The following MGAM variants were observed in gnomAD, a reference collection of about 807,000 sequenced individuals.
MGAM encodes alpha-1,4-glucosidase.
MGAM carries 253 observed loss-of-function variants against 358.8 expected under a neutral mutation model. The observed-to-expected ratio is 0.71, with a 90% CI of 0.64 to 0.78. MGAM has a LOEUF of 0.78. Among genes scored for constraint, MGAM ranks in the 30% least tolerant of loss-of-function variants. The pLI, the probability that MGAM is intolerant of heterozygous loss-of-function variation, is 0.00. For synonymous variants in MGAM, 1,105 were observed against 1,227.1 expected (o/e 0.90, Z 2.08); for missense variants, 3,080 against 3,432.6 (o/e 0.90, Z 2.57).
chr7:142,080,436 G>A (rs1239006539), intron 49 of MGAM, among the ~76,000 whole-genome samples: 2 of 146,160 alleles, frequency 1.4e-5, no homozygotes, highest in East Asian at 2.0e-4. Context: ...GGGGAGACAC[G>A]TTATTTTTCA....
intron 21 of MGAM, among the ~76,000 whole-genome samples, chr7:142,041,137 C>A (rs1344847862): frequency 6.6e-6 from 1 of 152,104 alleles, no homozygotes; most frequent in South Asian, 2.1e-4. Context: ...AGAATTTCAA[C>A]TTCCTATTTC....
rs752227758 is a variant in MGAM, at chr7:142,076,685, A to T, written c.5352A>T (p.Gln1784His). The T allele has an allele frequency of 2.6e-6, 4 of 1,550,032 alleles. No homozygotes were observed. In the African/African-American group the frequency reaches 4.0e-5, roughly 16 times the overall value. ...TQNHLEVTIS[Q>H]STYKDPNNLA... ...ACCACTTGGAGGTGACTATTTCACA[A>T]TCAACCTACAAGGACCCCAATAATT... The change falls in exon 47 of 71, where the codon CAA becomes CAT. Residue 1784 changes from glutamine (Q) to histidine (H), a missense_variant. Around this residue, in one of 5 missense-constraint regions of MGAM, gnomAD observed 932 missense variants for 1,198.2 expected, o/e 0.78. Transcript: ENST00000475668.
At position 142,100,816 on chromosome 7, in the gene MGAM, T is replaced by C. The variant is rs1468076892; in HGVS notation, c.7889T>C (p.Met2630Thr). 1 of 1,612,276 alleles carries C rather than the reference T, an allele frequency of 6.2e-7. No individual in the cohort carries two copies. The highest frequency in any genetic ancestry group is 8.5e-7 in the Non-Finnish European group (1 of 1,179,258). The change falls in exon 68 of 71, where the codon ATG (methionine) becomes ACG (threonine). Residue 2630 changes from methionine to threonine, a missense_variant. Met to Thr is a moderately conservative substitution (Grantham distance 81). Transcript: ENST00000475668. ...LNTHLSRQKFMGFKIALDDEG... is the reference protein window; with the variant it reads ...LNTHLSRQKFTGFKIALDDEG... ...GCTCACTGCAGCCGCCAGAAATTCA[T>C]GGGCTTCAAAATTGCCTTGGATGAT...
chr7:142,082,565 G>A lies in MGAM; in HGVS notation c.6262G>A (p.Ala2088Thr). ...AHGVLLLNSN[A>T]MDVTFQPLPA... ...TGGAGTGCTCCTGCTGAACAGCAAT[G>A]CCATGGGTAAGGCCATCCAGCGCCT... is the stretch of plus-strand genomic sequence containing the variant. The change falls in exon 52 of 71, where the codon GCC becomes ACC. Residue 2088 changes from alanine to threonine, a missense_variant. Transcript: ENST00000475668. The A allele has an allele frequency of 6.6e-7, 1 of 1,517,038 alleles. No homozygotes were observed. The highest frequency in any genetic ancestry group is 9.0e-7 in the Non-Finnish European group (1 of 1,112,290). 94.0% of individuals were successfully genotyped at this position (1,517,038 alleles called of 1,614,324 possible).
At chr7:141,989,022 T>C (rs1433609962) in intron 2 of MGAM, among the ~76,000 whole-genome samples, 2 of 152,114 alleles carry the variant, frequency 1.3e-5, no homozygotes, top group African/African-American at 2.4e-5. Context: ...TTAATGTTTG[T>C]AGGCTATGAA....
intron 1 of MGAM, among the ~76,000 whole-genome samples, chr7:142,001,578 T>G (rs887242324): frequency 6.6e-6 from 1 of 152,180 alleles, no homozygotes; most frequent in Non-Finnish European, 1.5e-5. Context: ...GTGGAGAAAG[T>G]AGGCCTTGTA....
intron 33 of MGAM, 121 bp from the exon 34 acceptor site, chr7:142,060,190 C>G: frequency 7.1e-7 from 1 of 1,411,234 alleles, no homozygotes; most frequent in Non-Finnish European, 9.9e-7. Context: ...TTATGTCAAT[C>G]CTATGTGATA....
At chr7:142,054,466 A>ATAACAAG (rs1296783256) in intron 26 of MGAM, among the ~76,000 whole-genome samples, 8 of 152,168 alleles carry the variant, frequency 5.3e-5, no homozygotes, top group Non-Finnish European at 5.9e-5. Flanking sequence ...CCCACAGAAA[A>ATAACAAG]TAACAAGTAA....
rs759842564 is a variant in MGAM at position 142,094,524 on chromosome 7, G to A, written c.7306+27G>A. 2.6e-6 allele frequency: 4 copies of A among 1,554,148 alleles called. 2 individuals are homozygous for A. In the East Asian group the frequency reaches 9.1e-5, roughly 35 times the overall value. Reference sequence around the variant, plus strand: ...TGCGTGGGTCCTTCCCAGGGCCTGTGCCGGTAGGGCAGGGAGTTGGGATCC... The same window carrying A: ...TGCGTGGGTCCTTCCCAGGGCCTGTACCGGTAGGGCAGGGAGTTGGGATCC... On this transcript the variant is annotated intron_variant, in intron 61 of 70. Transcript: ENST00000475668.
intron 32 of MGAM, 95 bp from the exon 33 acceptor site, chr7:142,059,761 A>C: frequency 6.4e-7 from 1 of 1,567,414 alleles, no homozygotes; most frequent in African/African-American, 1.4e-5. Flanking sequence ...TGCAGGTAGA[A>C]GCCAGCGAGT....
chr7:142,027,880 T>A (rs1584941801), intron 10 of MGAM, 145 bp downstream of exon 10: 16 of 42,980 alleles, frequency 3.7e-4, no homozygotes, highest in East Asian at 0.5. Context: ...ATACTAGACA[T>A]TTTTTTTTTT....
rs1434758878 is a variant in MGAM, at chr7:142,095,573, C to T, written c.7467C>T (p.Asp2489=). The change falls in exon 64 of 71, where the codon GAC becomes GAT. Residue 2489 remains aspartate, a synonymous_variant. Transcript: ENST00000475668. ...TTCTCTTTCTCCTTTAGAGACAAGA[C>T]CCTGTGTCCTGGGATGTTGCTTTTG... ...NHNTIGTRRQ[D]PVSWDVAFVN... is the part of the protein sequence containing the mutation. 6.2e-7 allele frequency: 1 copy of T among 1,613,428 alleles called. No individual in the cohort carries two copies. Among genetic ancestry groups the T allele is most frequent in the South Asian group, 1.1e-5 (1 of 91,060 alleles).
chr7:142,030,569 C>G (rs188967732), intron 11 of MGAM, 72 bp from the exon 12 acceptor site: 8 of 1,604,876 alleles, frequency 5.0e-6, no homozygotes, highest in Non-Finnish European at 6.8e-6. Context: ...TGCTTTCTCC[C>G]CCAGTTCCCA....
rs781969428 is a variant in MGAM, at chr7:142,030,501, C to T, written c.1353+8C>T. On this transcript the variant is annotated splice_region_variant and intron_variant, in intron 11 of 70. Coordinates refer to ENST00000475668, the MANE Select transcript of MGAM (RefSeq NM_001365693.1). ...AAGCTTGTCATCATTGTGGTATGTA[C>T]TGCCCTCTTTCCACCAAATTAGGTA... 6.2e-6 allele frequency: 10 copies of T among 1,613,350 alleles called. No individual in the cohort carries two copies. The Admixed American group carries it at 1.5e-4, about 24-fold the overall frequency.
rs990032783 is a variant in MGAM, at chr7:142,066,655, A to G, written c.4853A>G (p.Tyr1618Cys). The change falls in exon 41 of 71, where the codon TAT (tyrosine) becomes TGT (cysteine). Residue 1618 changes from tyrosine (Y) to cysteine (C), a missense_variant. Transcript: ENST00000475668. ...CAGACCAGATACACCCTGTTGCCAT[A>G]TCTGTATACCTTGATGCAAAAGGCC... ...VLQTRYTLLP[Y>C]LYTLMQKAHT... 1.3e-6 allele frequency: 2 copies of G among 1,556,054 alleles called. 1 individual carries two copies. Among genetic ancestry groups the G allele is most frequent in the Non-Finnish European group, 1.8e-6 (2 of 1,132,570 alleles).
In MGAM at chr7:142,082,214, A is replaced by C. The variant is rs112899476; in HGVS notation, c.6171+4A>C. 1,741 of 1,552,124 alleles carry C rather than the reference A, an allele frequency of 1.1e-3. 90 individuals are homozygous for C. In the African/African-American group the frequency reaches 0.018, roughly 16 times the overall value. On this transcript the variant is annotated splice_donor_region_variant and intron_variant, in intron 51 of 70. Transcript: ENST00000475668. Reference sequence around the variant, plus strand: ...CTCCCGAGACCAGCCCCCAGGGGTAAGGACAGAGCATTTGAGATCTGTGTC... The same window carrying C: ...CTCCCGAGACCAGCCCCCAGGGGTACGGACAGAGCATTTGAGATCTGTGTC...
In MGAM at chr7:142,069,144, G is replaced by A; in HGVS notation, c.5061+441G>A. ...TTTTGATTAAATACCTCCTTCCATA[G>A]CATAGATGCTCAAAGAGGGGCGCTG... On this transcript the variant is annotated intron_variant, in intron 43 of 70. Transcript: ENST00000475668. Among the ~76,000 whole-genome samples the A allele has an allele frequency of 1.4e-5, 2 of 146,134 alleles. 1 individual carries two copies. The highest frequency in any genetic ancestry group is 3.1e-5 in the Non-Finnish European group (2 of 64,528).
intron 57 of MGAM, among the ~76,000 whole-genome samples, chr7:142,091,250 C>CAAAAAAAAAAA (rs34993763): frequency 3.3e-4 from 29 of 86,754 alleles, no homozygotes; most frequent in African/African-American, 1.2e-3. Flanking sequence ...GACTCTGTCT[C>CAAAAAAAAAAA]AAAAAAAAAA....
At chr7:142,005,890 T>TA (rs1805117603) in intron 2 of MGAM, among the ~76,000 whole-genome samples, 2 of 152,022 alleles carry the variant, frequency 1.3e-5, no homozygotes, top group African/African-American at 4.8e-5. Context: ...ATTGACTTTT[T>TA]AAAAATATTT....
Sources: allele counts gnomAD v4.1 joint callset (sites outside exome capture counted in the v4.1 genomes callset), GRCh38; gene constraint gnomAD v4.1.1; regional missense constraint gnomAD v4.1.1; transcripts MANE v1.5; gene names NCBI Gene and HGNC (gene_info 2026-07-23, HGNC 2026-07-21).